ADAM9: variants seen among roughly 807,000 people sequenced by gnomAD.
The protein encoded by ADAM9 is disintegrin and metalloproteinase domain-containing protein 9.
ADAM9 carries 54 observed loss-of-function variants against 108.1 expected under a neutral mutation model. The ratio of observed to expected loss-of-function variants is 0.50; its 90% CI spans 0.40 to 0.63. The LOEUF (loss-of-function observed/expected upper bound fraction) is 0.63. Ranked by LOEUF, ADAM9 falls within the 20% of genes least tolerant of loss-of-function variation. The pLI is 0.00. For missense variants in ADAM9, 830 were observed against 997.7 expected (o/e 0.83, Z 2.26); for synonymous variants, 316 against 336.0 (o/e 0.94, Z 0.65).
intron 10 of ADAM9, among the ~76,000 whole-genome samples, 155 bp from the exon 11 acceptor site, chr8:39,026,522 C>T (rs867145267): frequency 2.2e-4 from 34 of 152,204 alleles, no homozygotes; most frequent in Admixed American, 6.5e-4. Context: ...TCTTACTAGA[C>T]TGAAATGTAT....
At position 39,104,005 on chromosome 8, in the gene ADAM9, C is replaced by A; in HGVS notation, c.*305C>A. 1.9e-6 allele frequency: 1 copy of A among 538,238 alleles called. No homozygotes were observed. Among genetic ancestry groups the A allele is most frequent in the South Asian group, 1.5e-5 (1 of 65,222 alleles). 33.3% of individuals were successfully genotyped at this position (538,238 alleles called of 1,614,324 possible). On this transcript the variant is annotated 3_prime_UTR_variant, in exon 22 of 22. Transcript: ENST00000487273. Reference sequence around the variant, plus strand: ...TTTTGAACATGTTATTGCAGTGATTCTCAAATTAACTGTATTGGTGTAAGA... The same window carrying A: ...TTTTGAACATGTTATTGCAGTGATTATCAAATTAACTGTATTGGTGTAAGA...
chr8:38,997,184 G>C (rs1185074566), intron 1 of ADAM9, 24 bp downstream of exon 1: 1 of 1,591,084 alleles, frequency 6.3e-7, no homozygotes, highest in African/African-American at 1.3e-5. Context: ...CCCCGGGTCG[G>C]TTGGGACGGC....
At chr8:39,014,750 A>G (rs1836470883) in intron 4 of ADAM9, 1 of 512,988 alleles carries the variant, frequency 1.9e-6, no homozygotes. Flanking sequence ...GAACTTTGTA[A>G]TACTTTGCTA....
At chr8:39,039,538 C>G (rs145279122) in intron 11 of ADAM9, among the ~76,000 whole-genome samples, 1 of 152,186 alleles carries the variant, frequency 6.6e-6, no homozygotes, top group African/African-American at 2.4e-5. Context: ...TTGTATCAGA[C>G]CTACATGTCC....
intron 11 of ADAM9, among the ~76,000 whole-genome samples, chr8:39,031,476 G>A (rs990501313): frequency 2.6e-5 from 4 of 152,102 alleles, no homozygotes; most frequent in African/African-American, 7.2e-5. Context: ...CATAGTTCTC[G>A]TGCCATGGTT....
chr8:39,008,612 T>G (rs1277684350), intron 2 of ADAM9, among the ~76,000 whole-genome samples: 2 of 152,228 alleles, frequency 1.3e-5, no homozygotes, highest in Non-Finnish European at 2.9e-5. Flanking sequence ...GTGATTTTAT[T>G]ATAATAAGAA....
At chr8:39,017,153 A>C in intron 5 of ADAM9, 66 bp from the exon 6 acceptor site, 22 of 1,549,324 alleles carry the variant, frequency 1.4e-5, no homozygotes, top group Admixed American at 1.7e-5. Context: ...ACTTGAACTT[A>C]GGTTTTCTGA....
In ADAM9 at chr8:39,022,005, G is replaced by A. The variant is rs556006906; in HGVS notation, c.744+291G>A. Among the ~76,000 whole-genome samples, 5 of 151,356 alleles carry A rather than the reference G, an allele frequency of 3.3e-5. No individual in the cohort carries two copies. In the South Asian group the frequency reaches 1.0e-3, roughly 32 times the overall value. On this transcript the variant is annotated intron_variant, in intron 8 of 21. Coordinates refer to ENST00000487273, the MANE Select transcript of ADAM9 (RefSeq NM_003816.3). The stretch of plus-strand genomic sequence containing the variant: ...ATGGAAAGATCTTTGAATTTTTGTC[G>A]AATGCATCTTATTTTGAATAAGGCT...
intron 2 of ADAM9, among the ~76,000 whole-genome samples, chr8:39,009,785 A>G (rs1351427236): frequency 6.6e-6 from 1 of 151,700 alleles, no homozygotes; most frequent in African/African-American, 2.4e-5. Context: ...TTACTATTGT[A>G]TGCTAGGCAC....
intron 12 of ADAM9, among the ~76,000 whole-genome samples, chr8:39,048,793 C>T (rs1588383903): frequency 6.6e-6 from 1 of 151,952 alleles, no homozygotes; most frequent in East Asian, 1.9e-4. Context: ...TTATATCTTC[C>T]TAGTGAATTG....
intron 14 of ADAM9, among the ~76,000 whole-genome samples, chr8:39,071,080 T>A (rs1209747012): frequency 1.3e-5 from 2 of 152,196 alleles, no homozygotes; most frequent in Non-Finnish European, 2.9e-5. Context: ...TCAGGCTAAC[T>A]TTTAAGTACA....
chr8:39,019,332 T>C (rs1204131721), intron 7 of ADAM9, among the ~76,000 whole-genome samples: 1 of 152,208 alleles, frequency 6.6e-6, no homozygotes, highest in Non-Finnish European at 1.5e-5. Context: ...CTTTGAGAGA[T>C]GGAAAACCTC....
chr8:39,042,268 A>G, intron 12 of ADAM9, 151 bp downstream of exon 12: 2 of 867,708 alleles, frequency 2.3e-6, no homozygotes, highest in African/African-American at 1.7e-5. Flanking sequence ...GCTGTGTTCC[A>G]GGGATTGGTC....
At chr8:39,016,376 A>G (rs1045844116) in intron 5 of ADAM9, among the ~76,000 whole-genome samples, 182 bp downstream of exon 5, 2 of 152,192 alleles carry the variant, frequency 1.3e-5, no homozygotes, top group African/African-American at 4.8e-5. Flanking sequence ...AGAAAGTATT[A>G]TAGTTGATGA....
intron 6 of ADAM9, among the ~76,000 whole-genome samples, chr8:39,017,854 A>C (rs1183712750): frequency 1.3e-5 from 2 of 152,216 alleles, no homozygotes; most frequent in African/African-American, 4.8e-5. Context: ...CAGCTTCCCA[A>C]AGTGCTGGGA....
At chr8:39,077,880 C>CT (rs1167013534) in intron 16 of ADAM9, among the ~76,000 whole-genome samples, 1 of 152,008 alleles carries the variant, frequency 6.6e-6, no homozygotes, top group African/African-American at 2.4e-5. Flanking sequence ...GGCCAAATTC[C>CT]TTTTTTTGGA....
chr8:39,040,799 G>A (rs1837435660), intron 11 of ADAM9, among the ~76,000 whole-genome samples: 1 of 152,106 alleles, frequency 6.6e-6, no homozygotes, highest in Non-Finnish European at 1.5e-5. Context: ...ATCCAAACAT[G>A]TGTAGTCAAT....
Position 39,014,324 on chromosome 8 carries a change from GT to G in ADAM9, c.333+285del, listed in dbSNP as rs1175015549. ...CCTTACTGATGAGAAAATTTGATAT[GT>G]TTTGAAAATAGGAGTTTCTGATTTT... On this transcript the variant is annotated intron_variant, in intron 4 of 21. Transcript: ENST00000487273. 3 of 546,206 alleles carry G rather than the reference GT, an allele frequency of 5.5e-6. No individual in the cohort carries two copies. The African/African-American group carries it at 5.7e-5, about 10-fold the overall frequency. 33.8% of individuals were successfully genotyped at this position (546,206 alleles called of 1,614,324 possible).
At chr8:39,026,590 A>C in intron 10 of ADAM9, 87 bp from the exon 11 acceptor site, 1 of 1,557,114 alleles carries the variant, frequency 6.4e-7, no homozygotes, top group Non-Finnish European at 8.8e-7. Context: ...GTAGTGAATA[A>C]ATTTCCTTTT....
Sources: allele counts gnomAD v4.1 joint callset (sites outside exome capture counted in the v4.1 genomes callset), GRCh38; gene constraint gnomAD v4.1.1; transcripts MANE v1.5; gene names NCBI Gene and HGNC (gene_info 2026-07-23, HGNC 2026-07-21).